Variants in RPS17 observed in about 807,000 individuals in gnomAD.
The protein encoded by RPS17 is small ribosomal subunit protein eS17.
For missense variants in RPS17, 68 were observed against 182.3 expected, an observed-to-expected ratio of 0.37 and a Z score of 3.61; for synonymous variants, 75 against 65.6, an observed-to-expected ratio of 1.14 and a Z score of -0.70.
At chr15:82,539,171 T>C in intron 2 of RPS17, 186 bp from the exon 3 acceptor site, 1 of 712,730 alleles carries the variant, frequency 1.4e-6, no homozygotes, top group Non-Finnish European at 2.6e-6. Flanking sequence ...TTCCCCTTGG[T>C]TTCTCACTCT....
Position 82,540,447 on chromosome 15 carries a change from A to C in RPS17, c.-19T>G. The C allele has an allele frequency of 6.3e-7, 1 of 1,591,584 alleles. No homozygotes were observed. The highest frequency in any genetic ancestry group is 8.5e-7 in the Non-Finnish European group (1 of 1,170,352). Reference sequence around the variant, plus strand: ...CTACCATGTTGGCGGGTCCTTGGTAAAAGAGGAAACAGGAAGCACAGGCGA... The same window carrying C: ...CTACCATGTTGGCGGGTCCTTGGTACAAGAGGAAACAGGAAGCACAGGCGA... On this transcript the variant is annotated 5_prime_UTR_variant, in exon 1 of 5. Transcript: ENST00000647841.
intron 1 of RPS17, 30 bp downstream of exon 1, chr15:82,540,396 A>G: frequency 2.5e-6 from 4 of 1,593,220 alleles, no homozygotes; most frequent in Non-Finnish European, 3.4e-6. Flanking sequence ...ACGATTGTGG[A>G]GGATGGCGGC....
rs2034267256 is a variant in RPS17 at position 82,537,818 on chromosome 15, A to G, written c.327+488T>C. On this transcript the variant is annotated intron_variant, in intron 4 of 4. Transcript: ENST00000647841. ...AAATCACCAACCGCCCATGAAGCCC[A>G]TGCTTTCACCCAAGTATGCAAAAGG... is the stretch of plus-strand genomic sequence containing the variant. The G allele has an allele frequency of 3.1e-5, 14 of 453,904 alleles. 1 individual carries two copies. The highest frequency in any genetic ancestry group is 2.0e-4 in the South Asian group (13 of 64,302). 28.1% of individuals were successfully genotyped at this position (453,904 alleles called of 1,614,324 possible). A position where few individuals can be genotyped will look rare whatever the true frequency, so the allele number is the denominator to read the frequency against.
chr15:82,540,235 T>A, intron 1 of RPS17, 103 bp from the exon 2 acceptor site: 1 of 1,609,302 alleles, frequency 6.2e-7, no homozygotes, highest in Non-Finnish European at 8.5e-7. Context: ...CCGGCTGCGC[T>A]GAGCCGGAGA....
chr15:82,539,728 T>C, intron 2 of RPS17: 1 of 635,748 alleles, frequency 1.6e-6, no homozygotes, highest in Non-Finnish European at 2.8e-6. Flanking sequence ...AGTTGACAAC[T>C]AAAAGCAACG....
At chr15:82,539,064 T>G in intron 2 of RPS17, 79 bp from the exon 3 acceptor site, 1 of 1,341,854 alleles carries the variant, frequency 7.5e-7, no homozygotes, top group Non-Finnish European at 1.1e-6. Flanking sequence ...TGTGCATATA[T>G]AAATACCCGC....
chr15:82,539,061 A>C, intron 2 of RPS17, 76 bp from the exon 3 acceptor site: 1 of 1,356,258 alleles, frequency 7.4e-7, no homozygotes. Flanking sequence ...ACATGTGCAT[A>C]TATAAATACC....
Position 82,540,109 on chromosome 15 carries a change from C to G in RPS17, c.27G>C (p.Val9=). The G allele has an allele frequency of 6.2e-7, 1 of 1,613,726 alleles. No individual in the cohort carries two copies. Among genetic ancestry groups the G allele is most frequent in the Admixed American group, 1.7e-5 (1 of 60,026 alleles). ...CTATGATGACCCGGGCCGCCTTCTT[C>G]ACGGTTTTGGTGCGAACGCGGCCCT... The part of the protein sequence containing the change: MGRVRTKT[V]KKAARVIIEK... The change falls in exon 2 of 5, where the codon GTG becomes GTC. Residue 9 remains valine, a synonymous_variant. Coordinates refer to ENST00000647841, the MANE Select transcript of RPS17 (RefSeq NM_001021.6).
chr15:82,538,956 T>C lies in RPS17; in HGVS notation c.185A>G (p.Gln62Arg). 6.2e-7 allele frequency: 1 copy of C among 1,614,024 alleles called. No individual in the cohort carries two copies. Among genetic ancestry groups the C allele is most frequent in the South Asian group, 1.1e-5 (1 of 91,080 alleles). The change falls in exon 3 of 5, where the codon CAG (glutamine) becomes CGG (arginine). Residue 62 changes from glutamine to arginine, a missense_variant. Physicochemically the swap from Gln to Arg is conservative, Grantham distance 43. Coordinates refer to ENST00000647841, the MANE Select transcript of RPS17 (RefSeq NM_001021.6). ...GYVTHLMKRI[Q>R]RGPVRGISIK... is the part of the protein sequence containing the mutation. ...GGAGATACCTCTTACTGGGCCTCTC[T>C]GAATTCGCTTCATCAGATGCGTGAC... is the stretch of plus-strand genomic sequence containing the variant.
chr15:82,538,763 G>C, intron 3 of RPS17, 117 bp downstream of exon 3: 2 of 1,112,800 alleles, frequency 1.8e-6, no homozygotes, highest in African/African-American at 1.5e-5. Flanking sequence ...CCCACAGCTG[G>C]TTATGGAATG....
Position 82,540,088 on chromosome 15 carries a change from G to T in RPS17, c.48C>A (p.Ile16=), listed in dbSNP as rs984215522. The T allele has an allele frequency of 3.1e-6, 5 of 1,613,372 alleles. No individual in the cohort carries two copies. The highest frequency in any genetic ancestry group is 1.8e-4 in the Middle Eastern group (1 of 5,648). The change falls in exon 2 of 5, where the codon ATC becomes ATA. Residue 16 remains isoleucine, a synonymous_variant. Transcript: ENST00000647841. ...TKTVKKAARV[I]IEKYYTRLGN... The stretch of plus-strand genomic sequence containing the variant: ...CCAGGCGCGTGTAGTACTTTTCTAT[G>T]ATGACCCGGGCCGCCTTCTTCACGG...
intron 4 of RPS17, 100 bp from the exon 5 acceptor site, chr15:82,536,981 G>A: frequency 2.8e-6 from 4 of 1,420,138 alleles, no homozygotes; most frequent in South Asian, 1.2e-5. Flanking sequence ...ACTCTCAAGG[G>A]GGTCCAGAGG....
intron 2 of RPS17, among the ~76,000 whole-genome samples, 154 bp from the exon 3 acceptor site, chr15:82,539,139 C>T (rs2034294633): frequency 1.3e-5 from 2 of 152,096 alleles, no homozygotes; most frequent in Non-Finnish European, 2.9e-5. Flanking sequence ...ACACATAGAA[C>T]CTCCACTGGC....
chr15:82,539,812 T>A, intron 2 of RPS17, 169 bp downstream of exon 2: 8 of 1,241,032 alleles, frequency 6.4e-6, no homozygotes, highest in Non-Finnish European at 9.4e-6. Context: ...GACACAGGCC[T>A]AAGTTCACAA....
chr15:82,539,952 C>A, intron 2 of RPS17, 29 bp downstream of exon 2: 1 of 1,611,998 alleles, frequency 6.2e-7, no homozygotes, highest in Non-Finnish European at 8.5e-7. Flanking sequence ...GATCGCGGAG[C>A]CCCGGAGGCC....
At chr15:82,538,557 C>G in intron 3 of RPS17, 186 bp from the exon 4 acceptor site, 1 of 725,416 alleles carries the variant, frequency 1.4e-6, no homozygotes, top group East Asian at 2.7e-5. Context: ...GCCTTACCTT[C>G]CCATGCCCTC....
chr15:82,540,148 A>G lies in RPS17; in HGVS notation c.4-16T>C. On this transcript the variant is annotated splice_polypyrimidine_tract_variant and intron_variant, in intron 1 of 4. Coordinates refer to ENST00000647841, the MANE Select transcript of RPS17 (RefSeq NM_001021.6). ...GAACGCGGCCCTGCGGGTGGAGAGGACAGGATCACTCACGAGCCAGCGCAA... is the reference window on the plus strand; with the variant it reads ...GAACGCGGCCCTGCGGGTGGAGAGGGCAGGATCACTCACGAGCCAGCGCAA... The G allele has an allele frequency of 1.2e-6, 2 of 1,613,652 alleles. No individual in the cohort carries two copies. The highest frequency in any genetic ancestry group is 1.7e-6 in the Non-Finnish European group (2 of 1,179,850).
At chr15:82,538,604 C>A in intron 3 of RPS17, 1 of 659,222 alleles carries the variant, frequency 1.5e-6, no homozygotes, top group South Asian at 1.8e-5. Context: ...TGTGTTTACA[C>A]CAAAGAATAC....
chr15:82,540,223 C>A (rs1359948539), intron 1 of RPS17, 91 bp from the exon 2 acceptor site: 4 of 1,610,544 alleles, frequency 2.5e-6, no homozygotes, highest in South Asian at 2.2e-5. Flanking sequence ...GGTTGGGGAC[C>A]GCCGGCTGCG....
Sources: gnomAD v4.1 joint callset for allele counts (sites outside exome capture counted in the v4.1 genomes callset) on GRCh38, gnomAD v4.1.1 for gene constraint, MANE v1.5 for transcripts, NCBI Gene and HGNC (gene_info 2026-07-23, HGNC 2026-07-21) for gene names.